The following SDK1 variants were observed in gnomAD, a reference collection of about 807,000 sequenced individuals.
SDK1 encodes the protein sidekick cell adhesion molecule 1.
A neutral mutation model predicts 245.5 loss-of-function variants in SDK1; 157 were observed. That is an observed-to-expected ratio of 0.64 (90% confidence interval 0.56 to 0.73). The LOEUF (loss-of-function observed/expected upper bound fraction) is 0.73, where lower values mean the gene tolerates loss of function less well. Ranked by LOEUF, SDK1 falls within the 30% of genes least tolerant of loss-of-function variation. The pLI, the probability that SDK1 is intolerant of heterozygous loss-of-function variation, is 0.00. For missense variants in SDK1, 3,583 were observed against 3,002.3 expected, an observed-to-expected ratio of 1.19 and a Z score of -4.52; for synonymous variants, 1,647 against 1,278.5, an observed-to-expected ratio of 1.29 and a Z score of -6.15.
rs77886767 is a variant in SDK1, at chr7:3,777,751, T to C, written c.714-43699T>C. 2.3e-3 allele frequency among the ~76,000 whole-genome samples: 350 copies of C among 152,314 alleles called. 2 individuals are homozygous for C. Among genetic ancestry groups the C allele is most frequent in the African/African-American group, 8.0e-3 (333 of 41,564 alleles). The stretch of plus-strand genomic sequence containing the variant: ...TTACTTTGCAATCATTATCATAAGC[T>C]TAAAACTTCCCATGCCACACCACAC... On this transcript the variant is annotated intron_variant, in intron 4 of 44. Coordinates refer to ENST00000404826, the MANE Select transcript of SDK1 (RefSeq NM_152744.4).
At chr7:3,951,674 C>A in intron 6 of SDK1, 56 bp from the exon 7 acceptor site, 2 of 1,521,372 alleles carry the variant, frequency 1.3e-6, no homozygotes, top group Non-Finnish European at 1.8e-6. Context: ...GAGATGATGA[C>A]CGTTGCCACC....
chr7:3,684,772 A>T (rs1384143711), intron 4 of SDK1, among the ~76,000 whole-genome samples: 1 of 152,176 alleles, frequency 6.6e-6, no homozygotes, highest in Non-Finnish European at 1.5e-5. Context: ...GAAAAAAAAA[A>T]ATAGAAAATC....
intron 38 of SDK1, 107 bp from the exon 39 acceptor site, chr7:4,220,002 T>C (rs1490956740): frequency 3.0e-6 from 4 of 1,341,534 alleles, no homozygotes; most frequent in Admixed American, 4.6e-5. Flanking sequence ...AATACTTCCT[T>C]AGCAAACTGC....
At chr7:3,670,906 T>A (rs1408370589) in intron 4 of SDK1, among the ~76,000 whole-genome samples, 1 of 152,250 alleles carries the variant, frequency 6.6e-6, no homozygotes, top group East Asian at 1.9e-4. Flanking sequence ...TAACCTTTTT[T>A]AGGAAACCTT....
intron 5 of SDK1, among the ~76,000 whole-genome samples, chr7:3,873,478 G>T (rs1220986462): frequency 1.3e-5 from 2 of 151,916 alleles, no homozygotes; most frequent in South Asian, 2.1e-4. Flanking sequence ...TTGATGATTT[G>T]GTGTCTGTCA....
intron 4 of SDK1, among the ~76,000 whole-genome samples, chr7:3,661,540 C>A (rs986708609): frequency 6.6e-6 from 1 of 152,080 alleles, no homozygotes; most frequent in Non-Finnish European, 1.5e-5. Context: ...TTTCTTTGAT[C>A]TAGTGATGAA....
At chr7:3,469,243 C>A (rs920605470) in intron 1 of SDK1, among the ~76,000 whole-genome samples, 2 of 152,042 alleles carry the variant, frequency 1.3e-5, no homozygotes, top group African/African-American at 4.8e-5. Context: ...GGAAAGAAAG[C>A]AAGGCCCTTT....
At chr7:3,856,777 G>A (rs908342673) in intron 5 of SDK1, among the ~76,000 whole-genome samples, 1 of 152,080 alleles carries the variant, frequency 6.6e-6, no homozygotes, top group South Asian at 2.1e-4. Flanking sequence ...GGCAACAAGA[G>A]CGAAACTCCA....
chr7:4,059,344 CAAAG>C (rs374648509), intron 19 of SDK1, among the ~76,000 whole-genome samples: 8 of 152,006 alleles, frequency 5.3e-5, no homozygotes, highest in African/African-American at 1.9e-4. Context: ...TAAAAAGAGA[CAAAG>C]AAGGTTATTG....
intron 4 of SDK1, among the ~76,000 whole-genome samples, chr7:3,660,296 C>G (rs537161409): frequency 6.6e-6 from 1 of 151,666 alleles, no homozygotes; most frequent in African/African-American, 2.4e-5. Flanking sequence ...GGGCCCAATA[C>G]CATGGACCAC....
chr7:3,892,823 C>T (rs546896251), intron 5 of SDK1, among the ~76,000 whole-genome samples: 3 of 152,236 alleles, frequency 2.0e-5, no homozygotes, highest in Non-Finnish European at 2.9e-5. Flanking sequence ...TCCTCTTACC[C>T]GTATCCCTGC....
intron 15 of SDK1, 112 bp from the exon 16 acceptor site, chr7:4,011,983 C>T (rs1211462148): frequency 4.1e-6 from 4 of 987,358 alleles, no homozygotes; most frequent in East Asian, 2.9e-5. Context: ...TCCTGAAACC[C>T]GATTTTTGTG....
chr7:3,712,201 T>C (rs1785069743), intron 4 of SDK1, among the ~76,000 whole-genome samples: 1 of 152,162 alleles, frequency 6.6e-6, no homozygotes, highest in South Asian at 2.1e-4. Context: ...TCCCCATCAC[T>C]TGCATTCCTG....
At chr7:4,139,597 GTA>G (rs1197494551) in intron 28 of SDK1, among the ~76,000 whole-genome samples, 3 of 79,594 alleles carry the variant, frequency 3.8e-5, no homozygotes, top group African/African-American at 1.3e-4. Context: ...GTGTGTATAT[GTA>G]TATATGTGTG....
intron 1 of SDK1, among the ~76,000 whole-genome samples, chr7:3,306,845 C>G (rs751611166): frequency 6.6e-6 from 1 of 152,054 alleles, no homozygotes; most frequent in Non-Finnish European, 1.5e-5. Context: ...TCCCAGAGAT[C>G]AGAGACTGGT....
intron 1 of SDK1, among the ~76,000 whole-genome samples, chr7:3,600,536 G>T (rs190641714): frequency 4.7e-5 from 7 of 149,786 alleles, no homozygotes; most frequent in Middle Eastern, 3.4e-3. Context: ...TGTGTTAAGT[G>T]TGATATTAGA....
chr7:3,738,807 T>G (rs1448002951), intron 4 of SDK1, among the ~76,000 whole-genome samples: 1 of 152,122 alleles, frequency 6.6e-6, no homozygotes, highest in African/African-American at 2.4e-5. Flanking sequence ...TGAAATTGTT[T>G]TCTTAATTTC....
chr7:3,317,446 C>T (rs1374739328), intron 1 of SDK1, among the ~76,000 whole-genome samples: 5 of 152,038 alleles, frequency 3.3e-5, no homozygotes, highest in African/African-American at 1.2e-4. Flanking sequence ...TTTTCCTTTC[C>T]CTGTTTCCTT....
intron 1 of SDK1, among the ~76,000 whole-genome samples, chr7:3,607,331 C>A (rs956616221): frequency 2.6e-5 from 4 of 152,122 alleles, no homozygotes; most frequent in African/African-American, 9.7e-5. Context: ...ATACAAATAT[C>A]AGTTCCTATC....
Sources: gnomAD v4.1 joint callset for allele counts (sites outside exome capture counted in the v4.1 genomes callset) on GRCh38, gnomAD v4.1.1 for gene constraint, MANE v1.5 for transcripts, NCBI Gene and HGNC (gene_info 2026-07-23, HGNC 2026-07-21) for gene names.